PDE1A: variants seen among roughly 807,000 people sequenced by gnomAD.
PDE1A encodes the protein phosphodiesterase 1A, also known as dual specificity calcium/calmodulin-dependent 3',5'-cyclic nucleotide phosphodiesterase 1A.
Under a neutral mutation model 61.7 loss-of-function variants are expected in PDE1A, and 35 were observed. The ratio of observed to expected loss-of-function variants is 0.57; its 90% CI spans 0.43 to 0.75. PDE1A has a LOEUF of 0.75. PDE1A is among the 30% of genes least tolerant of loss of function. The pLI, the probability that PDE1A is intolerant of heterozygous loss-of-function variation, is 0.00. For missense variants in PDE1A, 597 were observed against 630.6 expected (o/e 0.95, Z 0.57); for synonymous variants, 232 against 213.2 (o/e 1.09, Z -0.77).
the PDE1A span, among the ~76,000 whole-genome samples, chr2:182,554,419 C>T: frequency 6.6e-6 from 1 of 152,118 alleles, no homozygotes; most frequent in Non-Finnish European, 1.5e-5. Context: ...CTTGGTTCAC[C>T]ATCCATCTGA....
At chr2:182,532,648 G>A in the PDE1A span, among the ~76,000 whole-genome samples, 1 of 152,094 alleles carries the variant, frequency 6.6e-6, no homozygotes, top group African/African-American at 2.4e-5. Context: ...AAAAACCTTT[G>A]AATTATATAC....
the PDE1A span, among the ~76,000 whole-genome samples, chr2:182,547,704 T>C: frequency 8.5e-5 from 13 of 152,198 alleles, no homozygotes; most frequent in Non-Finnish European, 1.3e-4. Context: ...GTAATGTAAT[T>C]TGGCAGTTAC....
the PDE1A span, among the ~76,000 whole-genome samples, chr2:182,689,199 G>A: frequency 2.0e-5 from 3 of 152,076 alleles, no homozygotes; most frequent in Admixed American, 2.0e-4. Context: ...CTACAAAACT[G>A]TCAAACCCAA....
chr2:182,584,487 T>G, the PDE1A span, among the ~76,000 whole-genome samples: 2 of 152,186 alleles, frequency 1.3e-5, no homozygotes, highest in African/African-American at 2.4e-5. Flanking sequence ...TTCCCTGTCT[T>G]TAAAAAGAAG....
exon 1 of PDE1A, chr2:182,426,795 A>C (rs1056241954): frequency 2.1e-6 from 3 of 1,449,018 alleles, no homozygotes; most frequent in Non-Finnish European, 1.8e-6. Context: ...GTTCTCTGCC[A>C]GCTGAGCAGT....
the PDE1A span, among the ~76,000 whole-genome samples, chr2:182,611,752 G>GA: frequency 2.1e-3 from 311 of 146,676 alleles, 3 homozygotes; most frequent in African/African-American, 5.6e-3. Context: ...GAAGAAAAAA[G>GA]AAAAAAAAAA....
chr2:182,697,896 A>G, the PDE1A span, among the ~76,000 whole-genome samples: 1 of 152,232 alleles, frequency 6.6e-6, no homozygotes, highest in Non-Finnish European at 1.5e-5. Flanking sequence ...GAGTGCTACA[A>G]TTCAGGCAAC....
chr2:182,380,210 A>G lies in PDE1A; in HGVS notation c.53+46368T>C, dbSNP rs573107600. On this transcript the variant is annotated intron_variant, in intron 1 of 13. Transcript: ENST00000351439. ...ACTGCAAGCTCCGCCTCCTGGGTTC[A>G]CACCATTCTCCTGCCTCAGCCTCCC... 2.1e-4 allele frequency among the ~76,000 whole-genome samples: 31 copies of G among 147,052 alleles called. 1 individual carries two copies. The East Asian group carries it at 6.3e-3, about 30-fold the overall frequency.
the PDE1A span, among the ~76,000 whole-genome samples, chr2:182,543,070 G>C: frequency 6.6e-6 from 1 of 152,142 alleles, no homozygotes; most frequent in East Asian, 1.9e-4. Flanking sequence ...CTATTTCCCT[G>C]AAGTTACAAA....
Position 182,202,296 on chromosome 2 carries a change from T to C in PDE1A, c.903-507A>G, listed in dbSNP as rs572132587. Among the ~76,000 whole-genome samples the C allele has an allele frequency of 2.7e-3, 406 of 152,298 alleles. 1 individual carries two copies. Among genetic ancestry groups the C allele is most frequent in the African/African-American group, 9.6e-3 (397 of 41,566 alleles). On this transcript the variant is annotated intron_variant, in intron 8 of 13. Coordinates refer to ENST00000351439, the Ensembl canonical transcript of PDE1A. Reference sequence around the variant, plus strand: ...GAGCATGAGATTTCAAGACCCTATCTGATTCTTCTTCATTTTGCATTTTTA... The same window carrying C: ...GAGCATGAGATTTCAAGACCCTATCCGATTCTTCTTCATTTTGCATTTTTA...
At chr2:182,317,595 C>T (rs1357282059) in intron 1 of PDE1A, among the ~76,000 whole-genome samples, 1 of 152,152 alleles carries the variant, frequency 6.6e-6, no homozygotes, top group Non-Finnish European at 1.5e-5. Context: ...AAAGCAGAGG[C>T]ATACATAGTG....
chr2:182,250,624 C>T (rs1268336562), intron 2 of PDE1A, among the ~76,000 whole-genome samples: 1 of 151,994 alleles, frequency 6.6e-6, no homozygotes, highest in African/African-American at 2.4e-5. Flanking sequence ...AGCCTCTCCT[C>T]GACCCAACTT....
At chr2:182,635,251 C>A in the PDE1A span, among the ~76,000 whole-genome samples, 1 of 151,794 alleles carries the variant, frequency 6.6e-6, no homozygotes, top group Non-Finnish European at 1.5e-5. Context: ...TCACATGACT[C>A]AAAAATTACA....
intron 1 of PDE1A, among the ~76,000 whole-genome samples, chr2:182,412,337 G>C (rs1198166175): frequency 6.6e-6 from 1 of 152,154 alleles, no homozygotes; most frequent in Non-Finnish European, 1.5e-5. Flanking sequence ...AGACAGTTCT[G>C]TTTATTCATT....
the PDE1A span, among the ~76,000 whole-genome samples, chr2:182,692,610 T>A: frequency 7.3e-5 from 11 of 151,414 alleles, no homozygotes; most frequent in African/African-American, 2.4e-4. Flanking sequence ...ATGGCACATG[T>A]ATACATATGT....
the PDE1A span, among the ~76,000 whole-genome samples, chr2:182,614,279 T>A: frequency 2.6e-5 from 4 of 152,284 alleles, 1 homozygote; most frequent in African/African-American, 9.6e-5. Flanking sequence ...GTGAAAAAGT[T>A]TGGGAACCTA....
Position 182,214,093 on chromosome 2 carries a change from A to G in PDE1A, c.777-8028T>C, listed in dbSNP as rs1227951575. 2.0e-5 allele frequency among the ~76,000 whole-genome samples: 3 copies of G among 150,688 alleles called. No individual in the cohort carries two copies. In the East Asian group the frequency reaches 6.0e-4, roughly 30 times the overall value. ...TCTCGGCAGAAACCCTACAAGCCAG[A>G]AGAGAGTGGGGGCCAATATTCAACA... is the stretch of plus-strand genomic sequence containing the variant. On this transcript the variant is annotated intron_variant, in intron 7 of 13. Coordinates refer to ENST00000351439, the Ensembl canonical transcript of PDE1A.
chr2:182,677,248 A>G, the PDE1A span, among the ~76,000 whole-genome samples: 1 of 152,190 alleles, frequency 6.6e-6, no homozygotes, highest in Non-Finnish European at 1.5e-5. Flanking sequence ...AAAGATCACT[A>G]ACATTCCTAT....
At chr2:182,459,928 A>C (rs1431230035) in intron 2 of PDE1A, among the ~76,000 whole-genome samples, 1 of 152,178 alleles carries the variant, frequency 6.6e-6, no homozygotes, top group Non-Finnish European at 1.5e-5. Context: ...AGTTGCTTTT[A>C]TCATATTATT....
Sources: allele counts gnomAD v4.1 joint callset (sites outside exome capture counted in the v4.1 genomes callset), GRCh38; gene constraint gnomAD v4.1.1; transcripts MANE v1.5; gene names NCBI Gene and HGNC (gene_info 2026-07-23, HGNC 2026-07-21).